Variants in RNF128 observed in about 807,000 individuals in gnomAD.
The protein encoded by RNF128 is E3 ubiquitin-protein ligase RNF128.
Under a neutral mutation model 26.2 loss-of-function variants are expected in RNF128, and 13 were observed. The observed-to-expected ratio is 0.50, with a 90% confidence interval of 0.32 to 0.79. The LOEUF (loss-of-function observed/expected upper bound fraction) is 0.79. Ranked by LOEUF, RNF128 falls within the 30% of genes least tolerant of loss-of-function variation. The probability of loss-of-function intolerance (pLI) is 0.03; values close to 1 mark genes in which losing one functional copy is unlikely to be tolerated. For missense variants in RNF128, 315 were observed against 349.7 expected, an observed-to-expected ratio of 0.90 and a Z score of 0.79; for synonymous variants, 149 against 142.5, an observed-to-expected ratio of 1.05 and a Z score of -0.32.
At chrX:106,709,624 G>T (rs867515041) in intron 1 of RNF128, among the ~76,000 whole-genome samples, 2 of 110,439 alleles carry the variant, frequency 1.8e-5, no homozygotes, top group Non-Finnish European at 3.8e-5. Context: ...TGGGCTCACC[G>T]CAACCTCTGC....
At chrX:106,748,951 C>T (rs1411297642) in intron 1 of RNF128, among the ~76,000 whole-genome samples, 4 of 111,839 alleles carry the variant, frequency 3.6e-5, no homozygotes, top group Non-Finnish European at 5.6e-5. Context: ...TTAATCATTA[C>T]ATATTATATA....
intron 1 of RNF128, among the ~76,000 whole-genome samples, chrX:106,760,632 A>G (rs767415948): frequency 2.7e-5 from 3 of 111,834 alleles, no homozygotes; most frequent in South Asian, 3.7e-4. Context: ...TGGCAATTCA[A>G]TTACTGGGTA....
chrX:106,738,095 G>A (rs1305894869), intron 1 of RNF128, among the ~76,000 whole-genome samples: 3 of 111,826 alleles, frequency 2.7e-5, no homozygotes, highest in Non-Finnish European at 5.6e-5. Context: ...ATTGTACCAA[G>A]GTGAATGTGT....
chrX:106,710,846 T>C (rs1929116132), intron 1 of RNF128, among the ~76,000 whole-genome samples: 1 of 103,422 alleles, frequency 9.7e-6, no homozygotes, highest in Non-Finnish European at 2.0e-5. Flanking sequence ...AATTTAGAAA[T>C]AATAGTCTCT....
chrX:106,784,602 C>T (rs1052312456), intron 2 of RNF128, among the ~76,000 whole-genome samples: 1 of 111,646 alleles, frequency 9.0e-6, no homozygotes, highest in Non-Finnish European at 1.9e-5. Context: ...TTAAATGACT[C>T]GTGCAGGGTT....
At chrX:106,761,477 A>C (rs979809038) in intron 1 of RNF128, among the ~76,000 whole-genome samples, 1 of 111,550 alleles carries the variant, frequency 9.0e-6, no homozygotes, top group Non-Finnish European at 1.9e-5. Flanking sequence ...ACACATGCAC[A>C]TGTATGTTCA....
intron 1 of RNF128, among the ~76,000 whole-genome samples, chrX:106,709,883 C>T (rs914913296): frequency 9.9e-5 from 11 of 111,372 alleles, no homozygotes; most frequent in African/African-American, 2.3e-4. Context: ...TATTTCCCTA[C>T]GGTAAGATCT....
At chrX:106,741,759 T>C (rs1929705900) in intron 1 of RNF128, among the ~76,000 whole-genome samples, 1 of 111,906 alleles carries the variant, frequency 8.9e-6, no homozygotes, top group Admixed American at 9.6e-5. Context: ...ATCAGAAATT[T>C]ATTTGACATG....
rs1244955579 is a variant in RNF128, at chrX:106,764,234, G to A, written c.485-8679G>A. On this transcript the variant is annotated intron_variant, in intron 1 of 6. Transcript: ENST00000255499. The stretch of plus-strand genomic sequence containing the variant: ...CCCACCTCAGCCTCCCAAAGTGCTG[G>A]AATTACAGGCGTGAGCCACCACGCC... 4.6e-5 allele frequency among the ~76,000 whole-genome samples: 5 copies of A among 109,713 alleles called. No homozygotes were observed. In the South Asian group the frequency reaches 2.0e-3, roughly 44 times the overall value.
chrX:106,743,898 A>T (rs376302276), intron 1 of RNF128, among the ~76,000 whole-genome samples: 1 of 112,073 alleles, frequency 8.9e-6, no homozygotes, highest in African/African-American at 3.3e-5. Context: ...TGTGGCACAT[A>T]TACACCATGG....
rs185667344 is a variant in RNF128 at position 106,784,539 on chromosome X, T to C, written c.733-526T>C. 1.5e-3 allele frequency among the ~76,000 whole-genome samples: 170 copies of C among 111,499 alleles called. 2 individuals are homozygous for C. The highest frequency in any genetic ancestry group is 5.3e-3 in the African/African-American group (163 of 30,724). ...CAATATTTTTCTTAATACCAAACAGTGTAAAGGTTGGTACTACCCTCATTT... is the reference window on the plus strand; with the variant it reads ...CAATATTTTTCTTAATACCAAACAGCGTAAAGGTTGGTACTACCCTCATTT... On this transcript the variant is annotated intron_variant, in intron 2 of 6. Transcript: ENST00000255499.
chrX:106,764,112 G>C (rs944970423), intron 1 of RNF128, among the ~76,000 whole-genome samples: 1 of 109,154 alleles, frequency 9.2e-6, no homozygotes, highest in South Asian at 4.1e-4. Context: ...ACAGGTGCCC[G>C]CCACCACGCC....
intron 1 of RNF128, among the ~76,000 whole-genome samples, chrX:106,751,460 G>T (rs1236078236): frequency 9.0e-6 from 1 of 110,802 alleles, no homozygotes; most frequent in East Asian, 2.8e-4. Context: ...GTGCCCTGGG[G>T]TCCTAAATAA....
intron 1 of RNF128, among the ~76,000 whole-genome samples, chrX:106,717,350 G>A (rs1929235468): frequency 8.9e-6 from 1 of 111,758 alleles, no homozygotes; most frequent in Admixed American, 9.4e-5. Context: ...CAATTAGAAG[G>A]CTATTTACAA....
intron 1 of RNF128, among the ~76,000 whole-genome samples, chrX:106,717,932 A>C (rs1026067135): frequency 8.9e-6 from 1 of 112,104 alleles, no homozygotes; most frequent in Non-Finnish European, 1.9e-5. Context: ...AATAGCAGGC[A>C]GTATAAATCT....
At chrX:106,750,770 A>G (rs998242972) in intron 1 of RNF128, among the ~76,000 whole-genome samples, 2 of 111,751 alleles carry the variant, frequency 1.8e-5, no homozygotes, top group Non-Finnish European at 3.8e-5. Context: ...AGATGCTGCT[A>G]GAAGCAACAA....
intron 1 of RNF128, among the ~76,000 whole-genome samples, chrX:106,695,125 AAC>A (rs1172732466): frequency 3.6e-5 from 4 of 111,536 alleles, no homozygotes; most frequent in East Asian, 5.6e-4. Context: ...TATTTAAAAA[AAC>A]AGTTTCCAAG....
chrX:106,735,508 T>G (rs1929580712), intron 1 of RNF128, among the ~76,000 whole-genome samples: 1 of 111,928 alleles, frequency 8.9e-6, no homozygotes, highest in African/African-American at 3.2e-5. Context: ...GTATTTGTTC[T>G]CTTCATTATT....
chrX:106,722,941 T>C (rs1929339418), upstream of RNF128, among the ~76,000 whole-genome samples: 1 of 110,968 alleles, frequency 9.0e-6, no homozygotes, highest in African/African-American at 3.3e-5. Context: ...GATACCTCCA[T>C]TCCACAAGTG....
Sources: allele counts gnomAD v4.1 joint callset (sites outside exome capture counted in the v4.1 genomes callset), GRCh38; gene constraint gnomAD v4.1.1; transcripts MANE v1.5; gene names NCBI Gene and HGNC (gene_info 2026-07-23, HGNC 2026-07-21).